CENPW: variants seen among roughly 807,000 people sequenced by gnomAD.
CENPW encodes the protein cancer-up-regulated gene 2 protein.
Under a neutral mutation model 11.1 loss-of-function variants are expected in CENPW, and 3 were observed. The observed-to-expected ratio is 0.27, with a 90% confidence interval of 0.12 to 0.70. The LOEUF (loss-of-function observed/expected upper bound fraction) is 0.70, where lower values mean the gene tolerates loss of function less well. Ranked by LOEUF, CENPW falls within the 30% of genes least tolerant of loss-of-function variation. CENPW has a pLI of 0.77. For synonymous variants in CENPW, 38 were observed against 42.0 expected (o/e 0.91, Z 0.37); for missense variants, 100 against 105.6 (o/e 0.95, Z 0.23).
the CENPW span, among the ~76,000 whole-genome samples, chr6:126,372,877 C>A: frequency 3.9e-4 from 59 of 152,082 alleles, no homozygotes; most frequent in African/African-American, 1.4e-3. Flanking sequence ...TGGGATATTA[C>A]GAGTAATATA....
chr6:126,413,744 AAG>A, the CENPW span, among the ~76,000 whole-genome samples: 1 of 151,988 alleles, frequency 6.6e-6, no homozygotes, highest in Non-Finnish European at 1.5e-5. Context: ...ATAAAACAAT[AAG>A]AGAGGAAGAA....
the CENPW span, among the ~76,000 whole-genome samples, chr6:126,472,782 C>T: frequency 6.6e-6 from 1 of 152,174 alleles, no homozygotes; most frequent in Non-Finnish European, 1.5e-5. Flanking sequence ...AGTTACAGTT[C>T]CTCCACATCC....
the CENPW span, among the ~76,000 whole-genome samples, chr6:126,409,949 G>A: frequency 6.6e-6 from 1 of 151,816 alleles, no homozygotes. Flanking sequence ...CTTATCATCT[G>A]TTGTATTCTG....
At chr6:126,382,222 C>G in the CENPW span, among the ~76,000 whole-genome samples, 1 of 151,028 alleles carries the variant, frequency 6.6e-6, no homozygotes, top group Non-Finnish European at 1.5e-5. Flanking sequence ...GGGTGACGAG[C>G]GAAAATCCAT....
the CENPW span, among the ~76,000 whole-genome samples, chr6:126,463,091 C>T: frequency 6.6e-6 from 1 of 151,980 alleles, no homozygotes; most frequent in Admixed American, 6.6e-5. Context: ...AACTGTGGCT[C>T]TGTTCCTAAT....
chr6:126,352,730 T>TCC (rs1780505288), downstream of CENPW, among the ~76,000 whole-genome samples: 1 of 152,122 alleles, frequency 6.6e-6, no homozygotes, highest in African/African-American at 2.4e-5. Context: ...TCTTATCTGG[T>TCC]AGTCTTAGTA....
At position 126,340,145 on chromosome 6, in the gene CENPW, A is replaced by T; in HGVS notation, c.-129A>T. The T allele has an allele frequency of 1.2e-6, 1 of 856,464 alleles. No individual in the cohort carries two copies. Among genetic ancestry groups the T allele is most frequent in the Non-Finnish European group, 1.9e-6 (1 of 534,666 alleles). The allele number at this position is 856,464 out of a possible 1,614,324, so 53.1% of individuals were successfully genotyped here. A position where few individuals can be genotyped will look rare whatever the true frequency, so the allele number is the denominator to read the frequency against. On this transcript the variant is annotated 5_prime_UTR_variant, in exon 1 of 3. Transcript: ENST00000368328. ...GTTGGCGGCGGATTCGAACGTTCGGACTGAGGTTTTTCTGCCTGAAGAAGC... is the reference window on the plus strand; with the variant it reads ...GTTGGCGGCGGATTCGAACGTTCGGTCTGAGGTTTTTCTGCCTGAAGAAGC...
chr6:126,476,616 C>T, the CENPW span, among the ~76,000 whole-genome samples: 2 of 151,888 alleles, frequency 1.3e-5, no homozygotes, highest in Non-Finnish European at 2.9e-5. Context: ...TTCCCAAAGA[C>T]CTTGTAATTC....
At chr6:126,466,222 G>T in the CENPW span, among the ~76,000 whole-genome samples, 1 of 151,988 alleles carries the variant, frequency 6.6e-6, no homozygotes, top group Non-Finnish European at 1.5e-5. Context: ...TGTATAATGC[G>T]GTAAAACAAT....
chr6:126,423,219 G>A, the CENPW span, among the ~76,000 whole-genome samples: 2 of 151,860 alleles, frequency 1.3e-5, no homozygotes, highest in Non-Finnish European at 2.9e-5. Context: ...TTCTAAGCTG[G>A]AAATAAGAAA....
the CENPW span, among the ~76,000 whole-genome samples, chr6:126,393,557 T>A: frequency 6.6e-6 from 1 of 151,734 alleles, no homozygotes; most frequent in Non-Finnish European, 1.5e-5. Context: ...TTCAGGAGCA[T>A]ATTGTTTAAT....
At chr6:126,414,852 A>G in the CENPW span, among the ~76,000 whole-genome samples, 1 of 151,850 alleles carries the variant, frequency 6.6e-6, no homozygotes. Flanking sequence ...CATAAACGAG[A>G]TTGACAATCT....
the CENPW span, among the ~76,000 whole-genome samples, chr6:126,471,992 G>T: frequency 3.3e-5 from 5 of 152,064 alleles, no homozygotes; most frequent in South Asian, 2.1e-4. Flanking sequence ...TTCAACAAAA[G>T]CTCATTTTAA....
the CENPW span, among the ~76,000 whole-genome samples, chr6:126,361,586 C>T: frequency 6.6e-6 from 1 of 152,188 alleles, no homozygotes; most frequent in African/African-American, 2.4e-5. Flanking sequence ...TGAGCCACCG[C>T]GCCCAGCCTC....
the CENPW span, among the ~76,000 whole-genome samples, chr6:126,437,571 C>CA: frequency 6.6e-6 from 1 of 151,838 alleles, no homozygotes; most frequent in Admixed American, 6.6e-5. Flanking sequence ...GTTTTGTCTA[C>CA]AAATGGAAAT....
At chr6:126,353,002 A>G (rs1780509330), downstream of CENPW, among the ~76,000 whole-genome samples, 1 of 152,074 alleles carries the variant, frequency 6.6e-6, no homozygotes, top group African/African-American at 2.4e-5. Flanking sequence ...AAAGATTATA[A>G]TCTGCACTGT....
the CENPW span, among the ~76,000 whole-genome samples, chr6:126,414,709 C>T: frequency 1.3e-4 from 19 of 151,566 alleles, no homozygotes; most frequent in Non-Finnish European, 2.4e-4. Flanking sequence ...AATGATGCAT[C>T]TCAAGGAATT....
the CENPW span, among the ~76,000 whole-genome samples, chr6:126,449,844 G>A: frequency 6.6e-6 from 1 of 150,898 alleles, no homozygotes; most frequent in South Asian, 2.1e-4. Flanking sequence ...TTTGGGAAAG[G>A]GTAAACTAAA....
the CENPW span, among the ~76,000 whole-genome samples, chr6:126,413,129 C>A: frequency 7.9e-5 from 12 of 152,042 alleles, no homozygotes; most frequent in East Asian, 1.3e-3. Context: ...TTCTGGAATA[C>A]CTTTAAAAAT....
Sources: allele counts gnomAD v4.1 joint callset (sites outside exome capture counted in the v4.1 genomes callset), GRCh38; gene constraint gnomAD v4.1.1; transcripts MANE v1.5; gene names NCBI Gene and HGNC (gene_info 2026-07-23, HGNC 2026-07-21).